PXYLP1: variants seen among roughly 807,000 people sequenced by gnomAD.
PXYLP1 encodes the protein acid phosphatase-like 2.
A neutral mutation model predicts 37.9 loss-of-function variants in PXYLP1; 17 were observed. That is an observed-to-expected ratio of 0.45 (90% CI 0.31 to 0.67). PXYLP1 has a LOEUF of 0.67. PXYLP1 is among the 30% of genes least tolerant of loss of function. PXYLP1 has a pLI of 0.07. For synonymous variants in PXYLP1, 221 were observed against 232.2 expected (o/e 0.95, Z 0.44); for missense variants, 511 against 612.0 (o/e 0.84, Z 1.74).
At chr3:141,266,718 GGA>G (rs1941525520) in intron 2 of PXYLP1, among the ~76,000 whole-genome samples, 1 of 143,916 alleles carries the variant, frequency 6.9e-6, no homozygotes, top group African/African-American at 2.5e-5. Flanking sequence ...GACGGCGGGG[GGA>G]GAGAGGGAAA....
intron 1 of PXYLP1, among the ~76,000 whole-genome samples, chr3:141,243,482 A>G (rs958729160): frequency 2.1e-4 from 32 of 152,204 alleles, no homozygotes; most frequent in Admixed American, 6.5e-5. Context: ...CATCCACGGT[A>G]CGGTGACATA....
intron 4 of PXYLP1, among the ~76,000 whole-genome samples, chr3:141,281,308 G>T (rs1226309387): frequency 6.6e-6 from 1 of 152,178 alleles, no homozygotes; most frequent in Admixed American, 6.5e-5. Context: ...AGTGCAGGGG[G>T]CCCGAGGCTG....
chr3:141,282,483 AAC>A (rs3069374), intron 4 of PXYLP1, among the ~76,000 whole-genome samples: 1,838 of 147,562 alleles, frequency 0.012, 29 homozygotes, highest in African/African-American at 0.036. Flanking sequence ...AACCCAGACA[AAC>A]ACACACACAC....
intron 2 of PXYLP1, among the ~76,000 whole-genome samples, chr3:141,266,269 T>C (rs1357804836): frequency 6.6e-6 from 1 of 152,172 alleles, no homozygotes; most frequent in Non-Finnish European, 1.5e-5. Flanking sequence ...AGCTCCTCTT[T>C]GAAAAACCAG....
intron 1 of PXYLP1, among the ~76,000 whole-genome samples, chr3:141,237,727 C>G (rs1940694809): frequency 6.6e-6 from 1 of 152,160 alleles, no homozygotes; most frequent in Non-Finnish European, 1.5e-5. Context: ...AGTCTCTGTC[C>G]TCATGGAACA....
At chr3:141,274,624 G>T (rs1187768221) in intron 2 of PXYLP1, 2 of 782,930 alleles carry the variant, frequency 2.6e-6, no homozygotes, top group Non-Finnish European at 4.4e-6. Context: ...AGTTCAGCAG[G>T]TATTTTTGGA....
At chr3:141,273,469 T>C (rs1040949680) in intron 2 of PXYLP1, 61 of 985,208 alleles carry the variant, frequency 6.2e-5, no homozygotes, top group Non-Finnish European at 7.4e-5. Context: ...TTACTAGTAA[T>C]ACATACAGAG....
chr3:141,277,741 A>C (rs1210927123), intron 2 of PXYLP1, among the ~76,000 whole-genome samples: 1 of 152,216 alleles, frequency 6.6e-6, no homozygotes, highest in East Asian at 1.9e-4. Flanking sequence ...CACAGATTGC[A>C]AGACCCACAC....
intron 4 of PXYLP1, among the ~76,000 whole-genome samples, chr3:141,284,825 G>A (rs994987151): frequency 6.6e-6 from 1 of 152,182 alleles, no homozygotes; most frequent in African/African-American, 2.4e-5. Context: ...ATGGAGGGCC[G>A]ACTATATTTT....
chr3:141,236,083 C>G (rs1245159733), intron 1 of PXYLP1, among the ~76,000 whole-genome samples: 1 of 152,224 alleles, frequency 6.6e-6, no homozygotes, highest in Non-Finnish European at 1.5e-5. Flanking sequence ...ACCTCATTCC[C>G]TTGGCCCACA....
chr3:141,268,072 T>C (rs1342314315), intron 2 of PXYLP1, among the ~76,000 whole-genome samples: 1 of 152,080 alleles, frequency 6.6e-6, no homozygotes, highest in Non-Finnish European at 1.5e-5. Flanking sequence ...AATACCCCAT[T>C]ACCTCATGAT....
intron 1 of PXYLP1, among the ~76,000 whole-genome samples, chr3:141,248,578 T>C (rs9848893): frequency 0.8 from 59,229 of 74,038 alleles, 24,670 homozygotes; most frequent in African/African-American, 0.93. Flanking sequence ...TATACACACA[T>C]GTATATATAC....
At chr3:141,260,721 C>T (rs1009646716) in intron 2 of PXYLP1, among the ~76,000 whole-genome samples, 10 of 152,338 alleles carry the variant, frequency 6.6e-5, no homozygotes, top group South Asian at 4.1e-4. Context: ...TCCCCTGTGA[C>T]GAGACAGGAG....
At chr3:141,254,702 A>C (rs1182880208) in intron 1 of PXYLP1, among the ~76,000 whole-genome samples, 19 of 151,658 alleles carry the variant, frequency 1.3e-4, no homozygotes, top group Admixed American at 1.2e-3. Context: ...ACAATTGCAG[A>C]CTTGAAGGGT....
At chr3:141,249,803 T>C (rs1325699328) in intron 1 of PXYLP1, among the ~76,000 whole-genome samples, 1 of 152,098 alleles carries the variant, frequency 6.6e-6, no homozygotes, top group Non-Finnish European at 1.5e-5. Flanking sequence ...AGCAGTAACG[T>C]TGGATGGAAC....
chr3:141,292,240 A>C lies in PXYLP1; in HGVS notation c.506-28A>C, dbSNP rs1170645045. ...TGTTTCTTTTGCTCAGCTGGAAGTA[A>C]GGTAAGCTTTGTGTGCTTGTGTTTC... On this transcript the variant is annotated intron_variant, in intron 5 of 5. Transcript: ENST00000286353. The surrounding 1 kb of genome is among the most constrained non-coding windows in gnomAD (Gnocchi z 4.3). 2 of 1,549,800 alleles carry C rather than the reference A, an allele frequency of 1.3e-6. No individual in the cohort carries two copies. Among genetic ancestry groups the C allele is most frequent in the Non-Finnish European group, 1.7e-6 (2 of 1,149,514 alleles).
intron 1 of PXYLP1, among the ~76,000 whole-genome samples, chr3:141,248,601 A>ATG (rs545637288): frequency 0.02 from 1,851 of 90,516 alleles, 376 homozygotes; most frequent in African/African-American, 0.089. Flanking sequence ...ACACGTGTAT[A>ATG]TATACACACG....
At chr3:141,263,193 A>G (rs1941432283) in intron 2 of PXYLP1, among the ~76,000 whole-genome samples, 1 of 152,242 alleles carries the variant, frequency 6.6e-6, no homozygotes, top group Non-Finnish European at 1.5e-5. Flanking sequence ...GTGAACCTAC[A>G]TATATTTATT....
Position 141,268,184 on chromosome 3 carries a change from AGAGAGAGAGAGAGAGAGAGAGAGTGT to A in PXYLP1, c.79+7932_79+7957del, listed in dbSNP as rs1202003133. Among the ~76,000 whole-genome samples the A allele has an allele frequency of 3.7e-4, 30 of 80,112 alleles. 2 individuals carry two copies. The South Asian group carries it at 0.015, about 39-fold the overall frequency. The allele number at this position is 80,112 out of a possible 152,430, so 52.6% of individuals were successfully genotyped here. A position where few individuals can be genotyped will look rare whatever the true frequency, so the allele number is the denominator to read the frequency against. On this transcript the variant is annotated intron_variant, in intron 2 of 5. Coordinates refer to ENST00000286353, the MANE Select transcript of PXYLP1 (RefSeq NM_001037172.3). ...GTGGGTGGGGGAGAGAGAGAGAGAG[AGAGAGAGAGAGAGAGAGAGAGAGTGT>A]GTGTGTGTGTGTGTGTGTGTGTGTG...
Sources: gnomAD v4.1 joint callset for allele counts (sites outside exome capture counted in the v4.1 genomes callset) on GRCh38, gnomAD v4.1.1 for gene constraint, Gnocchi (gnomAD v3.1) non-coding constraint, MANE v1.5 for transcripts, NCBI Gene and HGNC (gene_info 2026-07-23, HGNC 2026-07-21) for gene names.